The following LOXL2 variants were observed in gnomAD, a reference collection of about 807,000 sequenced individuals.
The protein encoded by LOXL2 is lysyl oxidase like 2.
A neutral mutation model predicts 93.0 loss-of-function variants in LOXL2; 70 were observed. The observed-to-expected ratio is 0.75, with a 90% confidence interval of 0.62 to 0.92. The LOEUF (loss-of-function observed/expected upper bound fraction) is 0.92. Among genes scored for constraint, LOXL2 ranks in the 40% least tolerant of loss-of-function variants. The pLI is 0.00. For missense variants in LOXL2, 973 were observed against 1,054.9 expected (o/e 0.92, Z 1.08); for synonymous variants, 438 against 413.2 (o/e 1.06, Z -0.73).
intron 5 of LOXL2, chr8:23,328,956 CAGAAAGA>C (rs1267794797): frequency 1.6e-5 from 3 of 187,568 alleles, no homozygotes; most frequent in African/African-American, 7.0e-5. Flanking sequence ...TTCAGAGCTA[CAGAAAGA>C]AGCGCCTACC....
At chr8:23,317,476 T>A (rs1222239693) in intron 8 of LOXL2, among the ~76,000 whole-genome samples, 1 of 152,140 alleles carries the variant, frequency 6.6e-6, no homozygotes, top group South Asian at 2.1e-4. Context: ...CAGCACTCTC[T>A]CCTCTAAGCC....
In LOXL2 at chr8:23,341,038, T is replaced by C. The variant is rs779868703; in HGVS notation, c.697A>G (p.Met233Val). Residue 233 changes from methionine (M) to valine (V), a missense_variant, in exon 4 of 14, where the codon ATG (methionine) becomes GTG (valine). By Grantham distance (21) the Met-to-Val change is conservative. Coordinates refer to ENST00000389131, the MANE Select transcript of LOXL2 (RefSeq NM_002318.3). ...GTCCTCTCCCCAGGGAAGCCAAACATGCCGCAGACCACGCGGGAATTCTTG... is the reference window on the plus strand; with the variant it reads ...GTCCTCTCCCCAGGGAAGCCAAACACGCCGCAGACCACGCGGGAATTCTTG... ...TAKNSRVVCG[M>V]FGFPGERTYN... 6.2e-7 allele frequency: 1 copy of C among 1,614,172 alleles called. No individual in the cohort carries two copies. The highest frequency in any genetic ancestry group is 1.3e-5 in the African/African-American group (1 of 75,048).
chr8:23,333,271 A>C (rs975257360), intron 5 of LOXL2, 130 bp downstream of exon 5: 44 of 811,552 alleles, frequency 5.4e-5, no homozygotes, highest in Non-Finnish European at 8.7e-5. Context: ...GTCTCAGAGT[A>C]AAGCAGCCAC....
chr8:23,385,667 G>T, intron 1 of LOXL2: 1 of 478,322 alleles, frequency 2.1e-6, no homozygotes, highest in Non-Finnish European at 3.8e-6. Flanking sequence ...GCTAAGACAG[G>T]TATTTCATCC....
intron 1 of LOXL2, among the ~76,000 whole-genome samples, chr8:23,387,980 A>G (rs929502527): frequency 2.0e-5 from 3 of 152,162 alleles, no homozygotes; most frequent in African/African-American, 7.2e-5. Flanking sequence ...TTTTTTAAGG[A>G]AAAATATGAA....
intron 2 of LOXL2, chr8:23,364,193 A>C (rs958194606): frequency 1.3e-5 from 2 of 152,106 alleles, no homozygotes; most frequent in Non-Finnish European, 2.9e-5. Flanking sequence ...TTCCCTCTAC[A>C]GGCTTAGTGC....
chr8:23,353,836 C>A (rs989560071), intron 3 of LOXL2, among the ~76,000 whole-genome samples: 1 of 152,174 alleles, frequency 6.6e-6, no homozygotes, highest in Non-Finnish European at 1.5e-5. Flanking sequence ...AACTACAGGC[C>A]GTCACAGCTG....
intron 12 of LOXL2, among the ~76,000 whole-genome samples, chr8:23,299,565 G>A (rs1188582944): frequency 1.3e-5 from 2 of 152,192 alleles, no homozygotes; most frequent in African/African-American, 4.8e-5. Context: ...GCAGGAATAG[G>A]AAGGACATAT....
At position 23,328,550 on chromosome 8, in the gene LOXL2, G is replaced by T. The variant is rs1285598473; in HGVS notation, c.982C>A (p.Leu328Met). The part of the protein sequence containing the change: ...AYKPEQPLVR[L>M]RGGAYIGEGR... Reference sequence around the variant, plus strand: ...TCCCCGATGTAGGCACCGCCTCTCAGTCGCACCAGGGGTTGCTGAAGAGAC... The same window carrying T: ...TCCCCGATGTAGGCACCGCCTCTCATTCGCACCAGGGGTTGCTGAAGAGAC... The change falls in exon 6 of 14, where the codon CTG (leucine) becomes ATG (methionine). Residue 328 changes from leucine (L) to methionine (M), a missense_variant. Physicochemically the swap from Leu to Met is conservative, Grantham distance 15. Coordinates refer to ENST00000389131, the MANE Select transcript of LOXL2 (RefSeq NM_002318.3). 1.9e-6 allele frequency: 3 copies of T among 1,613,854 alleles called. No individual in the cohort carries two copies. The African/African-American group carries it at 4.0e-5, about 22-fold the overall frequency.
Position 23,298,948 on chromosome 8 carries a change from C to T in LOXL2, c.2134-1G>A. ...CCTCGAAGTTGGGGTTAATAACAAC[C>T]TAGGGAGAAGCAGGGCAGAGGAGGC... On this transcript the variant is annotated splice_acceptor_variant, in intron 12 of 13. Transcript: ENST00000389131. LOFTEE classifies it high-confidence loss of function. 2 of 1,587,046 alleles carry T rather than the reference C, an allele frequency of 1.3e-6. No individual in the cohort carries two copies. The highest frequency in any genetic ancestry group is 1.7e-6 in the Non-Finnish European group (2 of 1,155,568).
Position 23,326,346 on chromosome 8 carries a change from T to C in LOXL2, c.1150+2036A>G, listed in dbSNP as rs764743031. ...GCACACACCCATGATAAATGGAATG[T>C]TTATGTCATCGAGGGCCTGTTTATT... On this transcript the variant is annotated intron_variant, in intron 6 of 13. Transcript: ENST00000389131. 8.5e-5 allele frequency among the ~76,000 whole-genome samples: 13 copies of C among 152,280 alleles called. No homozygotes were observed. The Middle Eastern group carries it at 0.01, about 120-fold the overall frequency.
At chr8:23,340,225 T>A (rs1482973881) in intron 4 of LOXL2, among the ~76,000 whole-genome samples, 1 of 152,162 alleles carries the variant, frequency 6.6e-6, no homozygotes, top group Non-Finnish European at 1.5e-5. Context: ...GTGCGAGGAT[T>A]AAATGACTGA....
rs767614504 is a variant in LOXL2, at chr8:23,333,393, G to A, written c.966+8C>T. The A allele has an allele frequency of 3.1e-6, 5 of 1,613,324 alleles. No homozygotes were observed. The highest frequency in any genetic ancestry group is 1.7e-5 in the Admixed American group (1 of 60,024). On this transcript the variant is annotated splice_region_variant and intron_variant, in intron 5 of 13. Transcript: ENST00000389131. ...GCCAAGTGGCCACACCTCGTGCCCC[G>A]TCCTCACCTCTGGCTTGTACGCTTT...
intron 3 of LOXL2, among the ~76,000 whole-genome samples, chr8:23,350,970 C>T (rs552865222): frequency 8.7e-4 from 133 of 152,234 alleles, no homozygotes; most frequent in African/African-American, 3.2e-3. Context: ...GCCTGACCAC[C>T]CACCACACAA....
intron 3 of LOXL2, among the ~76,000 whole-genome samples, chr8:23,343,989 GT>G (rs1234418486): frequency 6.6e-6 from 1 of 152,238 alleles, no homozygotes; most frequent in African/African-American, 2.4e-5. Flanking sequence ...CTGACCTTCA[GT>G]TCACAGATCC....
chr8:23,377,922 G>A (rs1009515088), intron 1 of LOXL2, among the ~76,000 whole-genome samples: 1 of 152,162 alleles, frequency 6.6e-6, no homozygotes, highest in Non-Finnish European at 1.5e-5. Flanking sequence ...TTTAATTGGA[G>A]CATTTAGCCC....
intron 11 of LOXL2, among the ~76,000 whole-genome samples, chr8:23,302,902 G>A (rs1041222769): frequency 6.6e-6 from 1 of 152,148 alleles, no homozygotes; most frequent in African/African-American, 2.4e-5. Context: ...GGTGACACCT[G>A]GTGTGGTAGG....
At chr8:23,318,221 C>T (rs943824902) in intron 8 of LOXL2, among the ~76,000 whole-genome samples, 1 of 151,126 alleles carries the variant, frequency 6.6e-6, no homozygotes, top group Non-Finnish European at 1.5e-5. Flanking sequence ...AAGGAAGAAG[C>T]CATTCTGACC....
In LOXL2 at chr8:23,341,293, G is replaced by A. The variant is rs112926959; in HGVS notation, c.532-90C>T. 12 of 1,087,064 alleles carry A rather than the reference G, an allele frequency of 1.1e-5. No individual in the cohort carries two copies. In the African/African-American group the frequency reaches 1.5e-4, roughly 14 times the overall value. The allele number at this position is 1,087,064 out of a possible 1,614,324, so 67.3% of individuals were successfully genotyped here. ...AACCAGTACTTCTTTAGCGACTATG[G>A]GCCAGGCCTGCCGCGGGCCTGCCTG... On this transcript the variant is annotated intron_variant, in intron 3 of 13. Transcript: ENST00000389131.
Sources: allele counts gnomAD v4.1 joint callset (sites outside exome capture counted in the v4.1 genomes callset), GRCh38; gene constraint gnomAD v4.1.1; transcripts MANE v1.5; gene names NCBI Gene and HGNC (gene_info 2026-07-23, HGNC 2026-07-21).